NFIA: variants seen among roughly 807,000 people sequenced by gnomAD.
NFIA encodes the protein nuclear factor I A, also known as nuclear factor 1 A-type.
In NFIA, 8 loss-of-function variants were observed where a neutral mutation model predicts 62.8. The ratio of observed to expected loss-of-function variants is 0.13; its 90% CI spans 0.07 to 0.23. The LOEUF (loss-of-function observed/expected upper bound fraction) is 0.23. Among genes scored for constraint, NFIA ranks in the 10% least tolerant of loss-of-function variants. NFIA has a pLI of 1.00. For missense variants in NFIA, 410 were observed against 642.1 expected, an observed-to-expected ratio of 0.64 and a Z score of 3.91; for synonymous variants, 235 against 238.1, an observed-to-expected ratio of 0.99 and a Z score of 0.12.
At chr1:61,425,065 A>C (rs1376067313) in intron 9 of NFIA, among the ~76,000 whole-genome samples, 2 of 152,188 alleles carry the variant, frequency 1.3e-5, no homozygotes, top group Admixed American at 6.5e-5. Flanking sequence ...TATTACCACA[A>C]AAAGTTTCTT....
chr1:61,233,738 T>G (rs1279410578), intron 2 of NFIA, among the ~76,000 whole-genome samples: 1 of 152,086 alleles, frequency 6.6e-6, no homozygotes, highest in East Asian at 1.9e-4. Flanking sequence ...TAGACATAAG[T>G]AAAAAACCTA....
chr1:61,432,646 T>TATATATACACAC (rs1667154417), intron 10 of NFIA, among the ~76,000 whole-genome samples: 1 of 94,820 alleles, frequency 1.1e-5, no homozygotes, highest in Non-Finnish European at 2.1e-5. Flanking sequence ...TATATACACA[T>TATATATACACAC]ATATATACAT....
intron 3 of NFIA, among the ~76,000 whole-genome samples, chr1:61,284,575 G>A (rs980266996): frequency 1.3e-5 from 2 of 150,648 alleles, no homozygotes; most frequent in Admixed American, 6.6e-5. Context: ...AAAATGGGGG[G>A]TGTGGGGGGA....
At chr1:61,263,199 A>C (rs1249604580) in intron 2 of NFIA, among the ~76,000 whole-genome samples, 1 of 152,194 alleles carries the variant, frequency 6.6e-6, no homozygotes, top group African/African-American at 2.4e-5. Flanking sequence ...AACAGGACAG[A>C]GTTTCCAAAG....
intron 3 of NFIA, among the ~76,000 whole-genome samples, chr1:61,311,490 G>C (rs145440549): frequency 6.6e-6 from 1 of 152,288 alleles, no homozygotes; most frequent in East Asian, 1.9e-4. Context: ...TTTTGGGCAG[G>C]ATACTTTGGT....
chr1:61,080,400 T>C (rs952709538), upstream of NFIA, among the ~76,000 whole-genome samples: 1 of 152,118 alleles, frequency 6.6e-6, no homozygotes, highest in Non-Finnish European at 1.5e-5. Context: ...GTGAAGTGTA[T>C]CTTTTAATAC....
chr1:61,225,918 G>A (rs1030989698), intron 2 of NFIA, among the ~76,000 whole-genome samples: 1 of 152,032 alleles, frequency 6.6e-6, no homozygotes, highest in South Asian at 2.1e-4. Flanking sequence ...TAGATGAATG[G>A]CTTGCAACTT....
chr1:61,251,736 T>C (rs979554199), intron 2 of NFIA, among the ~76,000 whole-genome samples: 1 of 152,218 alleles, frequency 6.6e-6, no homozygotes, highest in Non-Finnish European at 1.5e-5. Context: ...TGATTTTTTG[T>C]ATTAACACAG....
intron 10 of NFIA, among the ~76,000 whole-genome samples, chr1:61,449,009 G>A (rs1440011663): frequency 6.6e-6 from 1 of 152,198 alleles, no homozygotes; most frequent in African/African-American, 2.4e-5. Flanking sequence ...ACCAAACGGA[G>A]GTCTTGGCTG....
At chr1:61,419,866 G>A (rs952279471) in intron 9 of NFIA, among the ~76,000 whole-genome samples, 4 of 152,180 alleles carry the variant, frequency 2.6e-5, no homozygotes, top group Non-Finnish European at 5.9e-5. Context: ...CTAGCGATAA[G>A]GAGGCTTTTA....
intron 3 of NFIA, among the ~76,000 whole-genome samples, chr1:61,296,391 G>T (rs1659190882): frequency 6.6e-6 from 1 of 152,056 alleles, no homozygotes; most frequent in Admixed American, 6.6e-5. Flanking sequence ...TTTTACTTAG[G>T]CTTTTCTTTT....
At chr1:61,216,784 A>C (rs571905284) in intron 2 of NFIA, among the ~76,000 whole-genome samples, 1 of 152,108 alleles carries the variant, frequency 6.6e-6, no homozygotes, top group African/African-American at 2.4e-5. Context: ...CAGATCACTT[A>C]AAGTCAGGAG....
At position 61,222,353 on chromosome 1, in the gene NFIA, C is replaced by G. The variant is rs1570406881; in HGVS notation, c.560-55167C>G. ...AGGTTTCCGTTATACCGTTTAGAGT[C>G]TTGCAGTTGGGTTTCTATGTACCTT... is the stretch of plus-strand genomic sequence containing the variant. On this transcript the variant is annotated intron_variant, in intron 2 of 10. Transcript: ENST00000403491. Among the ~76,000 whole-genome samples, 4 of 152,078 alleles carry G rather than the reference C, an allele frequency of 2.6e-5. No individual in the cohort carries two copies. The South Asian group carries it at 6.2e-4, about 24-fold the overall frequency.
At chr1:61,133,986 C>T (rs1257489842) in intron 2 of NFIA, among the ~76,000 whole-genome samples, 10 of 151,778 alleles carry the variant, frequency 6.6e-5, no homozygotes, top group Non-Finnish European at 1.3e-4. Context: ...ATTAGCCGGG[C>T]GTGGTGGTGC....
intron 4 of NFIA, among the ~76,000 whole-genome samples, chr1:61,337,475 A>G (rs1661673896): frequency 1.3e-5 from 2 of 152,130 alleles, no homozygotes; most frequent in South Asian, 4.1e-4. Flanking sequence ...TAGCTCAATT[A>G]TTTATTGCCT....
At chr1:61,255,532 A>G (rs531312779) in intron 2 of NFIA, among the ~76,000 whole-genome samples, 2 of 152,372 alleles carry the variant, frequency 1.3e-5, no homozygotes, top group South Asian at 2.1e-4. Context: ...AAACAGACTA[A>G]GGAGACATGC....
At chr1:61,419,891 G>A (rs1666527814) in intron 9 of NFIA, among the ~76,000 whole-genome samples, 1 of 152,112 alleles carries the variant, frequency 6.6e-6, no homozygotes, top group African/African-American at 2.4e-5. Flanking sequence ...GTGCCCTGAG[G>A]GTTGTGAGTT....
intron 4 of NFIA, among the ~76,000 whole-genome samples, chr1:61,337,716 T>G (rs1242355579): frequency 6.6e-6 from 1 of 152,220 alleles, no homozygotes; most frequent in Non-Finnish European, 1.5e-5. Flanking sequence ...ATTTTTAGAT[T>G]GGTCTCTTTC....
intron 2 of NFIA, among the ~76,000 whole-genome samples, chr1:61,097,149 T>G (rs1646430616): frequency 6.6e-6 from 1 of 152,114 alleles, no homozygotes; most frequent in Admixed American, 6.5e-5. Context: ...GAAAAGTGAT[T>G]AAATTGGTTA....
Sources: gnomAD v4.1 joint callset for allele counts (sites outside exome capture counted in the v4.1 genomes callset) on GRCh38, gnomAD v4.1.1 for gene constraint, MANE v1.5 for transcripts, NCBI Gene and HGNC (gene_info 2026-07-23, HGNC 2026-07-21) for gene names.